Variants in SLC36A4 observed in about 807,000 individuals in gnomAD.
SLC36A4 encodes neutral amino acid uniporter 4.
Under a neutral mutation model 50.5 loss-of-function variants are expected in SLC36A4, and 49 were observed. The observed-to-expected ratio is 0.97, with a 90% confidence interval of 0.77 to 1.23. The LOEUF (loss-of-function observed/expected upper bound fraction) is 1.23, where lower values mean the gene tolerates loss of function less well. Ranked by LOEUF, SLC36A4 falls within the 50% of genes most tolerant of loss-of-function variation. The probability of loss-of-function intolerance (pLI) is 0.00; values close to 1 mark genes in which losing one functional copy is unlikely to be tolerated. For missense variants in SLC36A4, 611 were observed against 608.4 expected (o/e 1.00, Z -0.05); for synonymous variants, 207 against 206.5 (o/e 1.00, Z -0.02).
At chr11:93,192,661 C>A (rs1388169228) in intron 1 of SLC36A4, among the ~76,000 whole-genome samples, 1 of 152,132 alleles carries the variant, frequency 6.6e-6, no homozygotes, top group Non-Finnish European at 1.5e-5. Context: ...ATTTTGGATT[C>A]TATTTTTCAT....
chr11:93,192,925 T>C (rs1158849449), intron 1 of SLC36A4: 1 of 153,224 alleles, frequency 6.5e-6, no homozygotes, highest in Non-Finnish European at 1.4e-5. Flanking sequence ...TCATCACAAA[T>C]GATAATGTAT....
intron 9 of SLC36A4, chr11:93,160,636 G>A (rs1860576709): frequency 1.0e-6 from 1 of 985,338 alleles, no homozygotes; most frequent in African/African-American, 1.7e-5. Context: ...ACATTCTTAT[G>A]TGCCTGGTAA....
At chr11:93,163,034 T>A (rs2134649788) in intron 8 of SLC36A4, among the ~76,000 whole-genome samples, 159 bp from the exon 9 acceptor site, 1 of 152,352 alleles carries the variant, frequency 6.6e-6, no homozygotes, top group East Asian at 1.9e-4. Context: ...GCTATATATT[T>A]ATACTACCTA....
At chr11:93,167,130 C>A (rs891154964) in intron 7 of SLC36A4, 3 of 151,956 alleles carry the variant, frequency 2.0e-5, no homozygotes, top group African/African-American at 7.2e-5. Flanking sequence ...AGAGAAACTA[C>A]AACTTTTGAA....
At chr11:93,157,099 G>A (rs968246670) in intron 9 of SLC36A4, among the ~76,000 whole-genome samples, 32 of 152,228 alleles carry the variant, frequency 2.1e-4, no homozygotes, top group African/African-American at 5.8e-4. Flanking sequence ...ATTGAATAGC[G>A]AATCCTTTCC....
rs1308523415 is a variant in SLC36A4, at chr11:93,175,347, T to A, written c.540+5450A>T. On this transcript the variant is annotated intron_variant, in intron 6 of 10. Coordinates refer to ENST00000326402, the MANE Select transcript of SLC36A4 (RefSeq NM_152313.4). Reference sequence around the variant, plus strand: ...TTTGATTCTTCTCTCTTTTTTTCTTTATTAGTCTTGCTAGCGGTCTATCAA... The same window carrying A: ...TTTGATTCTTCTCTCTTTTTTTCTTAATTAGTCTTGCTAGCGGTCTATCAA... Among the ~76,000 whole-genome samples, 1,084 of 150,608 alleles carry A rather than the reference T, an allele frequency of 7.2e-3. 9 individuals are homozygous for A. Among genetic ancestry groups the A allele is most frequent in the African/African-American group, 0.025 (1,027 of 41,418 alleles).
chr11:93,171,220 A>G (rs773183263), intron 6 of SLC36A4: 24 of 151,960 alleles, frequency 1.6e-4, no homozygotes, highest in Non-Finnish European at 2.9e-4. Context: ...CACTTTTTCT[A>G]CCTGATCTTC....
intron 6 of SLC36A4, among the ~76,000 whole-genome samples, chr11:93,169,930 G>A (rs926167418): frequency 1.3e-5 from 2 of 151,938 alleles, no homozygotes; most frequent in African/African-American, 4.8e-5. Flanking sequence ...AAGGATAACT[G>A]GCAAGAGAAA....
chr11:93,176,291 C>A (rs1427509363), intron 6 of SLC36A4, among the ~76,000 whole-genome samples: 2 of 148,878 alleles, frequency 1.3e-5, no homozygotes, highest in African/African-American at 4.9e-5. Context: ...TTTTGTTTTC[C>A]ATTTGCTTGG....
At chr11:93,190,542 G>A (rs1271068143) in intron 1 of SLC36A4, among the ~76,000 whole-genome samples, 1 of 152,018 alleles carries the variant, frequency 6.6e-6, no homozygotes, top group Non-Finnish European at 1.5e-5. Flanking sequence ...ATTATTCCAG[G>A]AAACTCCTTT....
At chr11:93,181,524 A>C (rs1765929028) in intron 5 of SLC36A4, among the ~76,000 whole-genome samples, 167 bp downstream of exon 5, 1 of 152,102 alleles carries the variant, frequency 6.6e-6, no homozygotes, top group South Asian at 2.1e-4. Flanking sequence ...CAGAAAGCTG[A>C]AAAATGGTCA....
intron 6 of SLC36A4, among the ~76,000 whole-genome samples, chr11:93,176,998 T>C (rs913866787): frequency 1.3e-5 from 2 of 152,220 alleles, no homozygotes; most frequent in South Asian, 4.1e-4. Context: ...AATGTTGGCC[T>C]GTCTTGGTAG....
chr11:93,187,970 T>A (rs980103380), intron 1 of SLC36A4, among the ~76,000 whole-genome samples: 9 of 152,214 alleles, frequency 5.9e-5, no homozygotes, highest in African/African-American at 2.2e-4. Context: ...GACCTCTGTT[T>A]AGACGTTTAA....
intron 4 of SLC36A4, 123 bp downstream of exon 4, chr11:93,182,683 T>C (rs1409308535): frequency 1.8e-6 from 1 of 544,892 alleles, no homozygotes; most frequent in Non-Finnish European, 3.2e-6. Flanking sequence ...CCATATTCAT[T>C]ACCTTAGATT....
At chr11:93,160,488 A>G in intron 9 of SLC36A4, 1 of 985,170 alleles carries the variant, frequency 1.0e-6, no homozygotes. Context: ...GCAATTAGGA[A>G]TAAGGTCAGA....
At chr11:93,156,763 A>T (rs1384977103) in intron 9 of SLC36A4, among the ~76,000 whole-genome samples, 1 of 152,082 alleles carries the variant, frequency 6.6e-6, no homozygotes, top group Admixed American at 6.6e-5. Context: ...ACCTTTGTTC[A>T]ATGCATAGTT....
chr11:93,159,087 A>G (rs1860502497), intron 9 of SLC36A4, among the ~76,000 whole-genome samples: 1 of 152,076 alleles, frequency 6.6e-6, no homozygotes, highest in Admixed American at 6.6e-5. Context: ...AATTCTTAGA[A>G]ACTACAACCA....
At chr11:93,177,769 A>G (rs1384536345) in intron 6 of SLC36A4, among the ~76,000 whole-genome samples, 1 of 152,146 alleles carries the variant, frequency 6.6e-6, no homozygotes, top group African/African-American at 2.4e-5. Flanking sequence ...TGTATGAGAT[A>G]TCAGTTGGCC....
At position 93,168,162 on chromosome 11, in the gene SLC36A4, C is replaced by T. The variant is rs749692751; in HGVS notation, c.550G>A (p.Gly184Arg). Residue 184 changes from glycine to arginine, a missense_variant, in exon 7 of 11, where the codon GGA (glycine) becomes AGA (arginine). Gly to Arg is a moderately radical substitution (Grantham distance 125, BLOSUM62 -2). Coordinates refer to ENST00000326402, the MANE Select transcript of SLC36A4 (RefSeq NM_152313.4). Reference sequence around the variant, plus strand: ...ATAAACACTTTACTCTCCAGGAATCCTTCATGAACCTACATAGGATTACCA... The same window carrying T: ...ATAAACACTTTACTCTCCAGGAATCTTTCATGAACCTACATAGGATTACCA... ...LAENVKQVHE[G>R]FLESKVFISN... The T allele has an allele frequency of 1.9e-5, 30 of 1,600,318 alleles. No individual in the cohort carries two copies. Among genetic ancestry groups the T allele is most frequent in the Middle Eastern group, 1.7e-4 (1 of 5,814 alleles).
Sources: allele counts gnomAD v4.1 joint callset (sites outside exome capture counted in the v4.1 genomes callset), GRCh38; gene constraint gnomAD v4.1.1; transcripts MANE v1.5; gene names NCBI Gene and HGNC (gene_info 2026-07-23, HGNC 2026-07-21).